The following CEP152 variants were observed in gnomAD, a reference collection of about 807,000 sequenced individuals.
CEP152 encodes the protein centrosomal protein 152.
A neutral mutation model predicts 188.9 loss-of-function variants in CEP152; 132 were observed. The observed-to-expected ratio is 0.70, with a 90% CI of 0.61 to 0.81. The LOEUF (loss-of-function observed/expected upper bound fraction) is 0.81, where lower values mean the gene tolerates loss of function less well. CEP152 is among the 30% of genes least tolerant of loss of function. The probability of loss-of-function intolerance (pLI) is 0.00; values close to 1 mark genes in which losing one functional copy is unlikely to be tolerated. For missense variants in CEP152, 1,914 were observed against 1,969.8 expected (o/e 0.97, Z 0.54); for synonymous variants, 649 against 666.6 (o/e 0.97, Z 0.41).
At position 48,781,303 on chromosome 15, in the gene CEP152, T is replaced by C. The variant is rs377156858; in HGVS notation, c.1470A>G (p.Leu490=). The change falls in exon 12 of 27, where the codon CTA becomes CTG. Residue 490 remains leucine (L), a synonymous_variant. Coordinates refer to ENST00000380950, the MANE Select transcript of CEP152 (RefSeq NM_001194998.2). ...EISLYESAAK[L]GIHPSDSEGE... ...CTTCTGAGTCACTTGGATGTATTCCTAGTTTTGCAGCAGATTCATAGAGAG... is the reference window on the plus strand; with the variant it reads ...CTTCTGAGTCACTTGGATGTATTCCCAGTTTTGCAGCAGATTCATAGAGAG... 1.2e-6 allele frequency: 2 copies of C among 1,611,056 alleles called. No individual in the cohort carries two copies. The highest frequency in any genetic ancestry group is 2.7e-5 in the African/African-American group (2 of 74,828).
chr15:48,804,792 T>G (rs2140931026), intron 2 of CEP152, among the ~76,000 whole-genome samples: 1 of 152,374 alleles, frequency 6.6e-6, no homozygotes, highest in Admixed American at 6.5e-5. Context: ...CTTCCCATTG[T>G]TCTTAGAATA....
chr15:48,733,673 C>A (rs150677110), downstream of CEP152, among the ~76,000 whole-genome samples: 1 of 152,204 alleles, frequency 6.6e-6, no homozygotes, highest in African/African-American at 2.4e-5. Context: ...AGAAGCTCAA[C>A]AGACTCTAAG....
At chr15:48,741,894 T>A (rs1892998649) in intron 25 of CEP152, 53 bp downstream of exon 25, 10 of 1,613,970 alleles carry the variant, frequency 6.2e-6, no homozygotes, top group Non-Finnish European at 8.5e-6. Flanking sequence ...GCTTTAAAAA[T>A]GATAACATGT....
chr15:48,777,390 G>C (rs1895980969), intron 12 of CEP152, among the ~76,000 whole-genome samples: 2 of 151,574 alleles, frequency 1.3e-5, no homozygotes, highest in African/African-American at 2.4e-5. Context: ...ACCTTTATTA[G>C]AAACAAAAAT....
chr15:48,784,063 C>T lies in CEP152; in HGVS notation c.1231G>A (p.Ala411Thr), dbSNP rs188488086. Residue 411 changes from alanine to threonine, a missense_variant, in exon 10 of 27, where the codon GCA (alanine) becomes ACA (threonine). Coordinates refer to ENST00000380950, the MANE Select transcript of CEP152 (RefSeq NM_001194998.2). The part of the protein sequence containing the change: ...HVKQLERNQE[A>T]IKLEKTEIIN... ...ATCTCAGTCTTTTCTAACTTGATTG[C>T]TTCTTGATTCCTTTCCAGTTGTTTC... 37 of 1,613,612 alleles carry T rather than the reference C, an allele frequency of 2.3e-5. No individual in the cohort carries two copies. The African/African-American group carries it at 4.1e-4, about 18-fold the overall frequency.
At chr15:48,751,072 C>T (rs1309223395) in intron 21 of CEP152, among the ~76,000 whole-genome samples, 3 of 152,036 alleles carry the variant, frequency 2.0e-5, no homozygotes, top group South Asian at 4.2e-4. Context: ...ACAACATAAC[C>T]AAACATCCAA....
intron 26 of CEP152, chr15:48,740,681 G>C (rs975518706): frequency 1.6e-5 from 2 of 127,900 alleles, no homozygotes; most frequent in African/African-American, 6.2e-5. Context: ...CTGGAGTGCA[G>C]TGGTGCGATC....
At chr15:48,781,160 G>T (rs769094024) in intron 12 of CEP152, 36 bp downstream of exon 12, 1 of 1,588,160 alleles carries the variant, frequency 6.3e-7, no homozygotes, top group Non-Finnish European at 8.6e-7. Flanking sequence ...ACTAATGTTG[G>T]TTCTTCTACA....
chr15:48,741,894 T>C, intron 25 of CEP152, 53 bp downstream of exon 25: 1 of 1,614,088 alleles, frequency 6.2e-7, no homozygotes, highest in Non-Finnish European at 8.5e-7. Flanking sequence ...GCTTTAAAAA[T>C]GATAACATGT....
At chr15:48,779,613 C>T (rs147615809) in intron 12 of CEP152, among the ~76,000 whole-genome samples, 2 of 152,126 alleles carry the variant, frequency 1.3e-5, no homozygotes, top group Non-Finnish European at 1.5e-5. Context: ...GGATTTTAAG[C>T]TTGATAAGAA....
intron 9 of CEP152, among the ~76,000 whole-genome samples, chr15:48,785,748 C>CA (rs548795112): frequency 1.3e-5 from 2 of 151,358 alleles, no homozygotes; most frequent in African/African-American, 4.9e-5. Flanking sequence ...GTTTTAATAC[C>CA]AAAAATCAAA....
In CEP152 at chr15:48,739,078, C is replaced by G. The variant is rs1490652860; in HGVS notation, c.4304G>C (p.Gly1435Ala). 1 of 1,614,070 alleles carries G rather than the reference C, an allele frequency of 6.2e-7. No individual in the cohort carries two copies. The highest frequency in any genetic ancestry group is 8.5e-7 in the Non-Finnish European group (1 of 1,180,036). The change falls in exon 27 of 27, where the codon GGA (glycine) becomes GCA (alanine). Residue 1435 changes from glycine (G) to alanine (A), a missense_variant. Gly to Ala is a moderately conservative substitution (Grantham distance 60). Coordinates refer to ENST00000380950, the MANE Select transcript of CEP152 (RefSeq NM_001194998.2). ...NSEHQSIKHV[G>A]SKETHLEFQF... Reference sequence around the variant, plus strand: ...GAATTCCAAATGTGTCTCTTTGGATCCCACATGCTTTATGCTCTGATGCTC... The same window carrying G: ...GAATTCCAAATGTGTCTCTTTGGATGCCACATGCTTTATGCTCTGATGCTC...
downstream of CEP152, among the ~76,000 whole-genome samples, chr15:48,735,555 T>A (rs1892566547): frequency 6.6e-6 from 1 of 152,030 alleles, no homozygotes; most frequent in Non-Finnish European, 1.5e-5. Context: ...GCCAATATGG[T>A]GAAACGATGT....
chr15:48,745,072 G>T (rs1414245544), intron 22 of CEP152, 80 bp from the exon 23 acceptor site: 1 of 982,696 alleles, frequency 1.0e-6, no homozygotes, highest in Non-Finnish European at 1.5e-6. Context: ...CAATACAAAT[G>T]TTTATAGAAG....
At chr15:48,768,382 T>C in intron 14 of CEP152, 54 bp from the exon 15 acceptor site, 1 of 928,602 alleles carries the variant, frequency 1.1e-6, no homozygotes, top group South Asian at 1.4e-5. Flanking sequence ...TCATTTTCAC[T>C]GATTGATTTT....
intron 19 of CEP152, among the ~76,000 whole-genome samples, chr15:48,758,602 C>G (rs971121479): frequency 6.6e-6 from 1 of 150,946 alleles, no homozygotes; most frequent in Non-Finnish European, 1.5e-5. Context: ...ACCTATAATC[C>G]CAGCTACTTG....
intron 9 of CEP152, among the ~76,000 whole-genome samples, chr15:48,785,982 T>C (rs1896606589): frequency 6.7e-6 from 1 of 150,344 alleles, no homozygotes; most frequent in Non-Finnish European, 1.5e-5. Context: ...GAAAAAGAAC[T>C]GGACAGGGTT....
chr15:48,738,572 C>G lies in CEP152; in HGVS notation c.4810G>C (p.Glu1604Gln), dbSNP rs752121907. ...GAAAACTGTTTGGATTTAACAGATT[C>G]ACTTGGTATTTCCAAAGTTCCTTGT... ...RPQGTLEIPSESVKSKQFSPS... is the reference protein window; with the variant it reads ...RPQGTLEIPSQSVKSKQFSPS... The change falls in exon 27 of 27, where the codon GAA (glutamate) becomes CAA (glutamine). Residue 1604 changes from glutamate (E) to glutamine (Q), a missense_variant. By Grantham distance (29) the Glu-to-Gln change is conservative. Transcript: ENST00000380950. The G allele has an allele frequency of 2.5e-6, 4 of 1,614,178 alleles. No individual in the cohort carries two copies. The highest frequency in any genetic ancestry group is 3.4e-6 in the Non-Finnish European group (4 of 1,180,008).
At chr15:48,794,324 C>G (rs750584270) in intron 6 of CEP152, among the ~76,000 whole-genome samples, 1 of 152,190 alleles carries the variant, frequency 6.6e-6, no homozygotes, top group African/African-American at 2.4e-5. Context: ...ATTCTACTTA[C>G]TACTAGAACA....
Sources: allele counts gnomAD v4.1 joint callset (sites outside exome capture counted in the v4.1 genomes callset), GRCh38; gene constraint gnomAD v4.1.1; transcripts MANE v1.5; gene names NCBI Gene and HGNC (gene_info 2026-07-23, HGNC 2026-07-21).